Variants in CAMKMT observed in about 807,000 individuals in gnomAD.
The protein encoded by CAMKMT is CaM KMT.
A neutral mutation model predicts 48.0 loss-of-function variants in CAMKMT; 53 were observed. That is an observed-to-expected ratio of 1.10 (90% CI 0.89 to 1.39). CAMKMT has a LOEUF of 1.39. Among genes scored for constraint, CAMKMT ranks in the 40% most tolerant of loss-of-function variants. The pLI is 0.00. For missense variants in CAMKMT, 428 were observed against 402.7 expected, an observed-to-expected ratio of 1.06 and a Z score of -0.54; for synonymous variants, 165 against 152.3, an observed-to-expected ratio of 1.08 and a Z score of -0.61.
At chr2:44,508,208 A>T (rs1670358335) in intron 3 of CAMKMT, among the ~76,000 whole-genome samples, 1 of 152,192 alleles carries the variant, frequency 6.6e-6, no homozygotes, top group South Asian at 2.1e-4. Context: ...TTGATTCTAG[A>T]TCCTAGGGAG....
intron 7 of CAMKMT, among the ~76,000 whole-genome samples, chr2:44,735,217 C>G (rs571081894): frequency 6.6e-6 from 1 of 152,262 alleles, no homozygotes; most frequent in East Asian, 1.9e-4. Context: ...CATCTTTTTA[C>G]TTTTAACCTA....
At chr2:44,587,242 C>A (rs531394451) in intron 3 of CAMKMT, among the ~76,000 whole-genome samples, 42 of 152,236 alleles carry the variant, frequency 2.8e-4, no homozygotes, top group African/African-American at 9.9e-4. Flanking sequence ...GAAGTGACTT[C>A]TTAACAATAC....
intron 7 of CAMKMT, among the ~76,000 whole-genome samples, chr2:44,715,964 A>C (rs1678155454): frequency 6.6e-6 from 1 of 152,176 alleles, no homozygotes; most frequent in Non-Finnish European, 1.5e-5. Context: ...GTTAATTCTT[A>C]TACAAACTAG....
intron 3 of CAMKMT, among the ~76,000 whole-genome samples, chr2:44,443,405 A>G (rs1441799809): frequency 6.6e-6 from 1 of 152,184 alleles, no homozygotes; most frequent in Non-Finnish European, 1.5e-5. Flanking sequence ...TACTATTAAT[A>G]TCACTGCAGC....
chr2:44,603,464 A>G (rs1167794819), intron 3 of CAMKMT, among the ~76,000 whole-genome samples: 1 of 152,234 alleles, frequency 6.6e-6, no homozygotes, highest in African/African-American at 2.4e-5. Context: ...GATCAGCTAT[A>G]TATTGCCACA....
intron 3 of CAMKMT, among the ~76,000 whole-genome samples, chr2:44,695,240 A>C (rs1676873453): frequency 6.6e-6 from 1 of 152,176 alleles, no homozygotes. Context: ...CATGTCACGG[A>C]GGTCTGGTGT....
intron 1 of CAMKMT, among the ~76,000 whole-genome samples, chr2:44,366,025 G>A (rs954527742): frequency 6.6e-6 from 1 of 152,190 alleles, no homozygotes; most frequent in Non-Finnish European, 1.5e-5. Flanking sequence ...CTAGGTATTT[G>A]TAATTCTTCA....
chr2:44,442,252 A>G (rs1043951855), intron 3 of CAMKMT, among the ~76,000 whole-genome samples: 2 of 152,182 alleles, frequency 1.3e-5, no homozygotes, highest in African/African-American at 4.8e-5. Flanking sequence ...CTGTGGCTCT[A>G]GTGGAGAGCA....
chr2:44,456,429 C>T, intron 3 of CAMKMT: 3 of 1,048,932 alleles, frequency 2.9e-6, no homozygotes, highest in Non-Finnish European at 4.0e-6. Flanking sequence ...GTCTTTTAGC[C>T]CTCTTACCCT....
At chr2:44,583,677 T>G (rs1296487337) in intron 3 of CAMKMT, among the ~76,000 whole-genome samples, 2 of 152,086 alleles carry the variant, frequency 1.3e-5, no homozygotes, top group African/African-American at 4.8e-5. Context: ...ACGCCTGTAG[T>G]CCTAGCTACT....
At chr2:44,659,049 T>A (rs1674528206) in intron 3 of CAMKMT, among the ~76,000 whole-genome samples, 1 of 149,840 alleles carries the variant, frequency 6.7e-6, no homozygotes, top group Non-Finnish European at 1.5e-5. Context: ...GTTTTTATTA[T>A]AAAACCACTT....
intron 3 of CAMKMT, among the ~76,000 whole-genome samples, chr2:44,631,174 A>C (rs1303621496): frequency 6.6e-6 from 1 of 151,960 alleles, no homozygotes; most frequent in Non-Finnish European, 1.5e-5. Flanking sequence ...ATATATTCTC[A>C]CTCATAGGTG....
intron 3 of CAMKMT, among the ~76,000 whole-genome samples, chr2:44,450,027 G>T (rs1310036372): frequency 6.6e-6 from 1 of 152,134 alleles, no homozygotes; most frequent in African/African-American, 2.4e-5. Context: ...AACTTGAGAT[G>T]GGTCAGCTTT....
chr2:44,654,579 C>T (rs965426466), intron 3 of CAMKMT, among the ~76,000 whole-genome samples: 3 of 152,146 alleles, frequency 2.0e-5, no homozygotes, highest in East Asian at 3.9e-4. Context: ...ATGGCATGAT[C>T]TTGGCTCACT....
At chr2:44,388,842 C>G (rs943011380) in intron 2 of CAMKMT, among the ~76,000 whole-genome samples, 1 of 152,116 alleles carries the variant, frequency 6.6e-6, no homozygotes, top group Admixed American at 6.5e-5. Flanking sequence ...GCACAGAGTC[C>G]TGTGATGTGA....
At chr2:44,641,552 TTATA>T (rs3083472) in intron 3 of CAMKMT, among the ~76,000 whole-genome samples, 1 of 148,772 alleles carries the variant, frequency 6.7e-6, no homozygotes. Flanking sequence ...TTATGATATT[TTATA>T]TATATATATA....
rs1000714557 is a variant in CAMKMT at position 44,521,949 on chromosome 2, G to A, written c.376+131644G>A. On this transcript the variant is annotated intron_variant, in intron 3 of 10. Transcript: ENST00000378494. ...GTAACCATTTTTAAGTGTACAGTTC[G>A]GTAGTATTATTAAGTACATTCACAG... 4.7e-4 allele frequency among the ~76,000 whole-genome samples: 72 copies of A among 151,734 alleles called. 1 individual carries two copies. The highest frequency in any genetic ancestry group is 4.1e-3 in the Admixed American group (63 of 15,220).
intron 3 of CAMKMT, among the ~76,000 whole-genome samples, chr2:44,433,202 T>C (rs917834069): frequency 6.6e-6 from 1 of 152,158 alleles, no homozygotes; most frequent in Non-Finnish European, 1.5e-5. Context: ...GGACTTGAAA[T>C]ACATATATAT....
chr2:44,724,265 C>T (rs111282901), intron 7 of CAMKMT, among the ~76,000 whole-genome samples: 29 of 152,212 alleles, frequency 1.9e-4, no homozygotes, highest in African/African-American at 4.8e-4. Flanking sequence ...CTGGGCAACA[C>T]GGCAAGATCC....
Sources: allele counts gnomAD v4.1 joint callset (sites outside exome capture counted in the v4.1 genomes callset), GRCh38; gene constraint gnomAD v4.1.1; transcripts MANE v1.5; gene names NCBI Gene and HGNC (gene_info 2026-07-23, HGNC 2026-07-21).